The following TSC22D2 variants were observed in gnomAD, a reference collection of about 807,000 sequenced individuals.
TSC22D2 encodes the protein TSC22 domain family protein 2.
A neutral mutation model predicts 50.1 loss-of-function variants in TSC22D2; 5 were observed. The ratio of observed to expected loss-of-function variants is 0.10; its 90% confidence interval spans 0.05 to 0.21. The LOEUF (loss-of-function observed/expected upper bound fraction) is 0.21, where lower values mean the gene tolerates loss of function less well. Ranked by LOEUF, TSC22D2 falls within the 10% of genes least tolerant of loss-of-function variation. The probability of loss-of-function intolerance (pLI) is 1.00; values close to 1 mark genes in which losing one functional copy is unlikely to be tolerated. For missense variants in TSC22D2, 1,003 were observed against 1,015.5 expected (o/e 0.99, Z 0.17); for synonymous variants, 501 against 450.1 (o/e 1.11, Z -1.43).
chr3:150,429,683 TA>T (rs1466799841), intron 1 of TSC22D2, among the ~76,000 whole-genome samples: 1 of 152,144 alleles, frequency 6.6e-6, no homozygotes, highest in Non-Finnish European at 1.5e-5. Flanking sequence ...AGAAGCCACT[TA>T]AAACTGTTTG....
chr3:150,442,049 T>G (rs1209881676), intron 1 of TSC22D2, among the ~76,000 whole-genome samples: 1 of 152,212 alleles, frequency 6.6e-6, no homozygotes, highest in Non-Finnish European at 1.5e-5. Context: ...TCCTTTCTTA[T>G]GTGAAAATGC....
Position 150,409,501 on chromosome 3 carries a change from G to C in TSC22D2, c.151G>C (p.Val51Leu). 1 of 1,613,208 alleles carries C rather than the reference G, an allele frequency of 6.2e-7. No homozygotes were observed. Among genetic ancestry groups the C allele is most frequent in the Non-Finnish European group, 8.5e-7 (1 of 1,179,654 alleles). Residue 51 changes from valine (V) to leucine (L), a missense_variant, in exon 1 of 3, where the codon GTC becomes CTC. By Grantham distance (32) the Val-to-Leu change is conservative. Coordinates refer to ENST00000688009, the MANE Select transcript of TSC22D2 (RefSeq NM_001303264.2). This position sits in a 1 kb window ranked among gnomAD's most constrained non-coding sequence, Gnocchi z 7.4. ...GGACGTCTCCTCCGAGATTTTCGAC[G>C]TCTCTCGGGCCACGGATTATGGCCC... ...TEDVSSEIFD[V>L]SRATDYGPEE...
At chr3:150,421,827 A>T (rs1415373379) in intron 1 of TSC22D2, among the ~76,000 whole-genome samples, 1 of 152,218 alleles carries the variant, frequency 6.6e-6, no homozygotes, top group Non-Finnish European at 1.5e-5. Flanking sequence ...CTTTACATTT[A>T]GTCTCAGTTC....
intron 1 of TSC22D2, among the ~76,000 whole-genome samples, chr3:150,430,740 C>A (rs923541365): frequency 6.6e-6 from 1 of 151,818 alleles, no homozygotes; most frequent in African/African-American, 2.4e-5. Context: ...CCAAGATTGC[C>A]AAGGATTAGA....
chr3:150,422,912 T>G, intron 1 of TSC22D2: 1 of 560,062 alleles, frequency 1.8e-6, no homozygotes, highest in East Asian at 3.2e-5. Context: ...TTAAGCAAAC[T>G]TATGTGGTTT....
At chr3:150,418,048 T>C (rs998249887) in intron 1 of TSC22D2, among the ~76,000 whole-genome samples, 2 of 152,124 alleles carry the variant, frequency 1.3e-5, no homozygotes, top group African/African-American at 2.4e-5. Flanking sequence ...ATGAGAGAAC[T>C]GCAAACTTAA....
Position 150,456,904 on chromosome 3 carries a change from T to C in TSC22D2, c.1959-172T>C. On this transcript the variant is annotated intron_variant, in intron 1 of 2. Coordinates refer to ENST00000688009, the MANE Select transcript of TSC22D2 (RefSeq NM_001303264.2). Reference sequence around the variant, plus strand: ...GTAGAAATCATCTATTTACTGAGACTTTCATTTTAGAAATGAGAGCTTTGA... The same window carrying C: ...GTAGAAATCATCTATTTACTGAGACCTTCATTTTAGAAATGAGAGCTTTGA... 4 of 613,754 alleles carry C rather than the reference T, an allele frequency of 6.5e-6. No homozygotes were observed. The South Asian group carries it at 8.4e-5, about 13-fold the overall frequency. 38.0% of individuals were successfully genotyped at this position (613,754 alleles called of 1,614,324 possible). A position where few individuals can be genotyped will look rare whatever the true frequency, so the allele number is the denominator to read the frequency against.
chr3:150,444,636 A>C (rs190726677), intron 1 of TSC22D2, among the ~76,000 whole-genome samples: 22 of 152,368 alleles, frequency 1.4e-4, no homozygotes, highest in African/African-American at 4.6e-4. Context: ...AGAATTCATC[A>C]TAAAAGATTT....
intron 1 of TSC22D2, among the ~76,000 whole-genome samples, chr3:150,418,082 C>T (rs1576543086): frequency 6.6e-6 from 1 of 152,012 alleles, no homozygotes; most frequent in Non-Finnish European, 1.5e-5. Flanking sequence ...TACCCCTTTC[C>T]TGCCACTTGA....
At chr3:150,412,998 A>G (rs1403152469) in intron 1 of TSC22D2, among the ~76,000 whole-genome samples, 1 of 151,716 alleles carries the variant, frequency 6.6e-6, no homozygotes, top group Admixed American at 6.6e-5. Flanking sequence ...CGCTTTCTAT[A>G]CACACACACA....
chr3:150,413,946 G>C (rs1560079491), intron 1 of TSC22D2, among the ~76,000 whole-genome samples: 1 of 150,872 alleles, frequency 6.6e-6, no homozygotes, highest in Non-Finnish European at 1.5e-5. Context: ...AAGGAAAATG[G>C]GAAATTAACA....
At chr3:150,442,608 C>A (rs968594708) in intron 1 of TSC22D2, among the ~76,000 whole-genome samples, 1 of 152,162 alleles carries the variant, frequency 6.6e-6, no homozygotes, top group Non-Finnish European at 1.5e-5. Flanking sequence ...CATTATCTCA[C>A]TGAATCTCAG....
At chr3:150,456,050 C>T (rs1721176617) in intron 1 of TSC22D2, among the ~76,000 whole-genome samples, 1 of 152,136 alleles carries the variant, frequency 6.6e-6, no homozygotes, top group Non-Finnish European at 1.5e-5. Flanking sequence ...AATGTGCTTA[C>T]AGGCTGGATA....
chr3:150,458,538 C>T lies in TSC22D2; in HGVS notation c.2173C>T (p.Gln725Ter), dbSNP rs895282467. The stretch of plus-strand genomic sequence containing the variant: ...TCAATTATCCCAACTCCCAACCCAA[C>T]AGGCCAATCCTGGTAGCACTTCTCA... ...NDQLSQLPTQ[Q>*]ANPGSTSQQQ... is the part of the protein sequence containing the mutation. The change falls in exon 3 of 3, where the codon CAG becomes TAG. Residue 725 changes from glutamine to a stop codon, truncating the protein, a stop_gained. Coordinates refer to ENST00000688009, the MANE Select transcript of TSC22D2 (RefSeq NM_001303264.2). LOFTEE classifies it high-confidence loss of function. 6.2e-7 allele frequency: 1 copy of T among 1,614,188 alleles called. No homozygotes were observed. The highest frequency in any genetic ancestry group is 8.5e-7 in the Non-Finnish European group (1 of 1,180,022).
At chr3:150,434,696 G>A (rs1720480036) in intron 1 of TSC22D2, among the ~76,000 whole-genome samples, 2 of 152,056 alleles carry the variant, frequency 1.3e-5, no homozygotes, top group African/African-American at 4.8e-5. Flanking sequence ...TTTTTCAAAG[G>A]TGTATTAATG....
chr3:150,453,245 AAAC>A lies in TSC22D2; in HGVS notation c.1959-3828_1959-3826del, dbSNP rs368132086. Among the ~76,000 whole-genome samples, 172 of 152,352 alleles carry A rather than the reference AAAC, an allele frequency of 1.1e-3. 1 individual carries two copies. The highest frequency in any genetic ancestry group is 4.0e-3 in the African/African-American group (168 of 41,592). On this transcript the variant is annotated intron_variant, in intron 1 of 2. Coordinates refer to ENST00000688009, the MANE Select transcript of TSC22D2 (RefSeq NM_001303264.2). ...GTGCTGAATATAATAATTAAAAAGA[AAAC>A]AAGGTATATAGTATTATAACATTAG...
rs766867920 is a variant in TSC22D2 at position 150,458,580 on chromosome 3, G to A, written c.2215G>A (p.Ala739Thr). Residue 739 changes from alanine to threonine, a missense_variant, in exon 3 of 3, where the codon GCA (alanine) becomes ACA (threonine). Physicochemically the swap from Ala to Thr is moderately conservative, Grantham distance 58. Coordinates refer to ENST00000688009, the MANE Select transcript of TSC22D2 (RefSeq NM_001303264.2). ...CACTTCTCAACAGCAAGCAGTGATA[G>A]CACAGCCTCCGCAGCCAACGCAACC... is the stretch of plus-strand genomic sequence containing the variant. ...GSTSQQQAVI[A>T]QPPQPTQPPQ... The A allele has an allele frequency of 6.8e-6, 11 of 1,614,034 alleles. No homozygotes were observed. In the African/African-American group the frequency reaches 1.5e-4, roughly 22 times the overall value.
intron 1 of TSC22D2, among the ~76,000 whole-genome samples, chr3:150,427,249 A>G (rs775561129): frequency 1.6e-4 from 24 of 152,296 alleles, no homozygotes; most frequent in Non-Finnish European, 2.6e-4. Context: ...TCATAAATGT[A>G]TAGCTCAAAT....
chr3:150,459,111 A>G lies in TSC22D2; in HGVS notation c.*475A>G, dbSNP rs1253756185. On this transcript the variant is annotated 3_prime_UTR_variant, in exon 3 of 3. Coordinates refer to ENST00000688009, the MANE Select transcript of TSC22D2 (RefSeq NM_001303264.2). ...GCTGCTATTTTCATAATGTACATGAACAATGTCACAGAACTTTTTTAATTT... is the reference window on the plus strand; with the variant it reads ...GCTGCTATTTTCATAATGTACATGAGCAATGTCACAGAACTTTTTTAATTT... 6.6e-6 allele frequency: 1 copy of G among 152,580 alleles called. No homozygotes were observed. Among genetic ancestry groups the G allele is most frequent in the Non-Finnish European group, 1.5e-5 (1 of 68,246 alleles). The allele number at this position is 152,580 out of a possible 1,614,324, so 9.5% of individuals were successfully genotyped here.
Sources: allele counts gnomAD v4.1 joint callset (sites outside exome capture counted in the v4.1 genomes callset), GRCh38; gene constraint gnomAD v4.1.1; non-coding constraint Gnocchi (gnomAD v3.1); transcripts MANE v1.5; gene names NCBI Gene and HGNC (gene_info 2026-07-23, HGNC 2026-07-21).